The following MYH8 variants were observed in gnomAD, a reference collection of about 807,000 sequenced individuals.
The protein encoded by MYH8 is myosin-8.
Under a neutral mutation model 233.2 loss-of-function variants are expected in MYH8, and 168 were observed. That is an observed-to-expected ratio of 0.72 (90% CI 0.64 to 0.82). The LOEUF is 0.82. Among genes scored for constraint, MYH8 ranks in the 40% least tolerant of loss-of-function variants. MYH8 has a pLI of 0.00. For missense variants in MYH8, 1,995 were observed against 2,327.8 expected (o/e 0.86, Z 2.94); for synonymous variants, 785 against 850.6 (o/e 0.92, Z 1.34).
chr17:10,397,944 A>G (rs2072095176), intron 30 of MYH8, among the ~76,000 whole-genome samples: 1 of 152,184 alleles, frequency 6.6e-6, no homozygotes, highest in Non-Finnish European at 1.5e-5. Flanking sequence ...TTGTGTGCCA[A>G]GTACACATCC....
Position 10,392,912 on chromosome 17 carries a change from C to A in MYH8, c.5382G>T (p.Lys1794Asn). 1 of 1,614,238 alleles carries A rather than the reference C, an allele frequency of 6.2e-7. No individual in the cohort carries two copies. The highest frequency in any genetic ancestry group is 8.5e-7 in the Non-Finnish European group (1 of 1,180,044). Reference protein sequence around the residue: ...RMKKNLEQTVKDLQHRLDEAE... With the variant: ...RMKKNLEQTVNDLQHRLDEAE... ...CCTCATCTAGACGATGCTGCAGGTC[C>A]TTCACCGTCTGCTCCAGGTTCTTCT... The change falls in exon 37 of 40, where the codon AAG becomes AAT. Residue 1794 changes from lysine (K) to asparagine (N), a missense_variant. Lys to Asn is a moderately conservative substitution (Grantham distance 94). Transcript: ENST00000403437.
At position 10,396,726 on chromosome 17, in the gene MYH8, G is replaced by T; in HGVS notation, c.4363-8C>A. The T allele has an allele frequency of 6.2e-7, 1 of 1,614,146 alleles. No individual in the cohort carries two copies. The highest frequency in any genetic ancestry group is 8.5e-7 in the Non-Finnish European group (1 of 1,180,034). ...CTTCCATTCTGATAGGACCTGAAAA[G>T]CAATAAATCATGAGTTGATCCAAGG... On this transcript the variant is annotated splice_region_variant and splice_polypyrimidine_tract_variant and intron_variant, in intron 31 of 39. Transcript: ENST00000403437. This position sits in a 1 kb window ranked among gnomAD's most constrained non-coding sequence, Gnocchi z 4.2.
rs753344032 is a variant in MYH8, at chr17:10,398,428, A to AAG, written c.4178+15_4178+16insCT. Reference sequence around the variant, plus strand: ...CTGCTTCTGGGAGTTCCTCTTCTAGAGTTCACAGCACATACTTGGCCTCCT... The same window carrying AAG: ...CTGCTTCTGGGAGTTCCTCTTCTAGAAGGTTCACAGCACATACTTGGCCTCCT... On this transcript the variant is annotated intron_variant, in intron 30 of 39. Transcript: ENST00000403437. 48 of 1,613,826 alleles carry AAG rather than the reference A, an allele frequency of 3.0e-5. No individual in the cohort carries two copies. The highest frequency in any genetic ancestry group is 3.9e-5 in the Non-Finnish European group (46 of 1,179,870).
rs746756315 is a variant in MYH8 at position 10,412,433 on chromosome 17, G to A, written c.1353C>T (p.Asp451=). The change falls in exon 14 of 40, where the codon GAC becomes GAT. Residue 451 remains aspartate (D), a synonymous_variant. Transcript: ENST00000403437. ...TGAAGTACTGCCTGGGCTGCTTGGT[G>A]TCCAGCTGCTGGTTGATGCGGGTGA... ...WMVTRINQQL[D]TKQPRQYFIG... 1.9e-6 allele frequency: 3 copies of A among 1,614,244 alleles called. No individual in the cohort carries two copies. The highest frequency in any genetic ancestry group is 2.5e-6 in the Non-Finnish European group (3 of 1,180,042).
chr17:10,421,525 TTA>T (rs1202653063), intron 2 of MYH8, 136 bp downstream of exon 2: 2 of 152,080 alleles, frequency 1.3e-5, no homozygotes, highest in Non-Finnish European at 2.9e-5. Flanking sequence ...TTTCTAGCAT[TTA>T]TAAACACTCA....
At chr17:10,409,620 C>G in intron 15 of MYH8, 32 bp from the exon 16 acceptor site, 1 of 1,612,734 alleles carries the variant, frequency 6.2e-7, no homozygotes, top group Middle Eastern at 1.7e-4. Context: ...TGGTGTCAAC[C>G]TAACTTCTCT....
rs1220647822 is a variant in MYH8 at position 10,419,461 on chromosome 17, C to A, written c.211-431G>T. Among the ~76,000 whole-genome samples the A allele has an allele frequency of 6.6e-6, 1 of 152,076 alleles. No individual in the cohort carries two copies. Among genetic ancestry groups the A allele is most frequent in the African/African-American group, 2.4e-5 (1 of 41,406 alleles). On this transcript the variant is annotated intron_variant, in intron 3 of 39. Coordinates refer to ENST00000403437, the MANE Select transcript of MYH8 (RefSeq NM_002472.3). The surrounding 1 kb of genome is among the most constrained non-coding windows in gnomAD (Gnocchi z 4.0). ...ACTTCTCATTATATTATTTAATGTC[C>A]TCTTAAAAAAGGCATGAAATATATT... is the stretch of plus-strand genomic sequence containing the variant.
At position 10,417,873 on chromosome 17, in the gene MYH8, CA is replaced by C. The variant is rs1363066312; in HGVS notation, c.511+771del. 6.6e-6 allele frequency among the ~76,000 whole-genome samples: 1 copy of C among 152,000 alleles called. No homozygotes were observed. Among genetic ancestry groups the C allele is most frequent in the Admixed American group, 6.6e-5 (1 of 15,254 alleles). On this transcript the variant is annotated intron_variant, in intron 5 of 39. Coordinates refer to ENST00000403437, the MANE Select transcript of MYH8 (RefSeq NM_002472.3). The surrounding 1 kb of genome is among the most constrained non-coding windows in gnomAD (Gnocchi z 4.1). ...CAATTTAAAAACAAGTGCAAAAAAA[CA>C]AACCAAAAAGAAAGAAAAAACACCT...
rs1140936 is a variant in MYH8, at chr17:10,396,570, T to C, written c.4511A>G (p.Glu1504Gly). The change falls in exon 32 of 40, where the codon GAA (glutamate) becomes GGA (glycine). Residue 1504 changes from glutamate (E) to glycine (G), a missense_variant. Physicochemically the swap from Glu to Gly is moderately conservative, Grantham distance 98. Transcript: ENST00000403437. The surrounding 1 kb of genome is among the most constrained non-coding windows in gnomAD (Gnocchi z 4.2). ...SLDQLETLRR[E>G]NKNLQQEISD... Reference sequence around the variant, plus strand: ...GGACTCACGTTGCAAGTTCTTATTTTCTCTTCTTAGCGTTTCGAGTTGATC... The same window carrying C: ...GGACTCACGTTGCAAGTTCTTATTTCCTCTTCTTAGCGTTTCGAGTTGATC... 6.2e-7 allele frequency: 1 copy of C among 1,614,134 alleles called. No individual in the cohort carries two copies. Among genetic ancestry groups the C allele is most frequent in the Non-Finnish European group, 8.5e-7 (1 of 1,180,004 alleles).
In MYH8 at chr17:10,418,921, T is replaced by C. The variant is rs139192237; in HGVS notation, c.320A>G (p.Asn107Ser). The C allele has an allele frequency of 1.3e-5, 21 of 1,614,036 alleles. No homozygotes were observed. The African/African-American group carries it at 2.5e-4, about 19-fold the overall frequency. ...CCAGGCTGCATAGCGCTCTTTGAGG[T>C]TGTACAGCACTCCAGGCTCGTGTAG... ...THLHEPGVLY[N>S]LKERYAAWMI... The change falls in exon 4 of 40, where the codon AAC (asparagine) becomes AGC (serine). Residue 107 changes from asparagine to serine, a missense_variant. By Grantham distance (46) the Asn-to-Ser change is conservative. This residue lies in a region of MYH8 where 479 missense variants were observed against 600.9 expected (regional missense o/e 0.80). Transcript: ENST00000403437.
At position 10,406,124 on chromosome 17, in the gene MYH8, T is replaced by G; in HGVS notation, c.2349A>C (p.Lys783Asn). 6.2e-7 allele frequency: 1 copy of G among 1,614,110 alleles called. No individual in the cohort carries two copies. Among genetic ancestry groups the G allele is most frequent in the Non-Finnish European group, 8.5e-7 (1 of 1,180,018 alleles). Reference protein sequence around the residue: ...LGLLEEMRDEKLAQIITRTQA... With the variant: ...LGLLEEMRDENLAQIITRTQA... ...GTGTTCTTGTTATAATTTGGGCTAA[T>G]TTTTCATCTCTCATTTCTTCCAGAA... Residue 783 changes from lysine to asparagine, a missense_variant, in exon 21 of 40, where the codon AAA (lysine) becomes AAC (asparagine). By Grantham distance (94) the Lys-to-Asn change is moderately conservative (BLOSUM62 0). Around this residue, in one of 3 missense-constraint regions of MYH8, gnomAD observed 1,498 missense variants for 1,680.9 expected, o/e 0.89. Transcript: ENST00000403437.
intron 17 of MYH8, 129 bp downstream of exon 17, chr17:10,408,968 A>G: frequency 1.2e-6 from 1 of 833,234 alleles, no homozygotes; most frequent in South Asian, 1.5e-5. Flanking sequence ...CTTTGGCTAT[A>G]CTCTGACGAG....
intron 28 of MYH8, among the ~76,000 whole-genome samples, 172 bp from the exon 29 acceptor site, chr17:10,399,058 A>G (rs1436481162): frequency 1.3e-5 from 2 of 149,744 alleles, no homozygotes; most frequent in Non-Finnish European, 3.0e-5. Flanking sequence ...TGGGACCAGA[A>G]GTGTTTCAGA....
At chr17:10,411,013 A>C in intron 14 of MYH8, 66 bp from the exon 15 acceptor site, 1 of 1,612,138 alleles carries the variant, frequency 6.2e-7, no homozygotes, top group Non-Finnish European at 8.5e-7. Flanking sequence ...CATTACTGAA[A>C]AAATTCTTTT....
chr17:10,418,200 G>A (rs534283265), intron 5 of MYH8, among the ~76,000 whole-genome samples: 1 of 152,190 alleles, frequency 6.6e-6, no homozygotes, highest in African/African-American at 2.4e-5. Flanking sequence ...AATATTAGCT[G>A]TGTCATTCAA....
At chr17:10,405,337 T>C (rs1597401068) in intron 21 of MYH8, among the ~76,000 whole-genome samples, 1 of 152,202 alleles carries the variant, frequency 6.6e-6, no homozygotes, top group Admixed American at 6.5e-5. Flanking sequence ...ACTGGCTAGG[T>C]TTGACTACTT....
chr17:10,398,390 A>G (rs1405254622), intron 30 of MYH8, 54 bp downstream of exon 30: 5 of 1,613,292 alleles, frequency 3.1e-6, no homozygotes, highest in Non-Finnish European at 4.2e-6. Flanking sequence ...TATCATCATC[A>G]TAAATATCAC....
rs751935695 is a variant in MYH8, at chr17:10,419,061, T to C, written c.211-31A>G. On this transcript the variant is annotated intron_variant, in intron 3 of 39. Coordinates refer to ENST00000403437, the MANE Select transcript of MYH8 (RefSeq NM_002472.3). The surrounding 1 kb of genome is among the most constrained non-coding windows in gnomAD (Gnocchi z 4.0). ...GAGTAAGCAAGAAACCAGTTCGTTT[T>C]TGTTTGTTTGTTTGAGATAGAGTTT... 1 of 1,612,644 alleles carries C rather than the reference T, an allele frequency of 6.2e-7. No individual in the cohort carries two copies.
intron 34 of MYH8, among the ~76,000 whole-genome samples, 164 bp downstream of exon 34, chr17:10,394,969 T>A (rs530643572): frequency 6.6e-6 from 1 of 152,372 alleles, no homozygotes; most frequent in South Asian, 2.1e-4. Context: ...ACATAACATT[T>A]TCTTAAAAAT....
Sources: gnomAD v4.1 joint callset for allele counts (sites outside exome capture counted in the v4.1 genomes callset) on GRCh38, gnomAD v4.1.1 for gene constraint, gnomAD v4.1.1 regional missense constraint, Gnocchi (gnomAD v3.1) non-coding constraint, MANE v1.5 for transcripts, NCBI Gene and HGNC (gene_info 2026-07-23, HGNC 2026-07-21) for gene names.